Variants in RABGEF1 observed in about 807,000 individuals in gnomAD.
The protein encoded by RABGEF1 is rab5 GDP/GTP exchange factor.
RABGEF1 carries 26 observed loss-of-function variants against 57.3 expected under a neutral mutation model. That is an observed-to-expected ratio of 0.45 (90% CI 0.33 to 0.63). The LOEUF is 0.63. Among genes scored for constraint, RABGEF1 ranks in the 20% least tolerant of loss-of-function variants. The pLI is 0.02. For synonymous variants in RABGEF1, 185 were observed against 210.7 expected, an observed-to-expected ratio of 0.88 and a Z score of 1.06; for missense variants, 464 against 607.6, an observed-to-expected ratio of 0.76 and a Z score of 2.48.
intron 1 of RABGEF1, among the ~76,000 whole-genome samples, chr7:66,706,458 G>A (rs190132143): frequency 6.6e-6 from 1 of 152,214 alleles, no homozygotes; most frequent in African/African-American, 2.4e-5. Flanking sequence ...TCCCCAGGCT[G>A]GAGTGCAGTG....
At chr7:66,765,719 C>G (rs553095085) in intron 1 of RABGEF1, among the ~76,000 whole-genome samples, 1 of 152,150 alleles carries the variant, frequency 6.6e-6, no homozygotes, top group Non-Finnish European at 1.5e-5. Context: ...AGAACAGCCC[C>G]GACTTAGTCC....
intron 1 of RABGEF1, among the ~76,000 whole-genome samples, chr7:66,750,802 G>C (rs1030686452): frequency 6.6e-6 from 1 of 152,158 alleles, no homozygotes; most frequent in African/African-American, 2.4e-5. Context: ...TGCCATTTAC[G>C]TCAGTGAAAT....
At chr7:66,675,164 G>A in the RABGEF1 span, among the ~76,000 whole-genome samples, 1 of 152,046 alleles carries the variant, frequency 6.6e-6, no homozygotes, top group South Asian at 2.1e-4. Flanking sequence ...TACAGACAGG[G>A]AAATTGAGGC....
chr7:66,658,549 A>C, the RABGEF1 span, among the ~76,000 whole-genome samples: 1 of 151,920 alleles, frequency 6.6e-6, no homozygotes, highest in Non-Finnish European at 1.5e-5. Context: ...AAAAAAAAAA[A>C]AAGAAAAAGA....
chr7:66,769,587 G>A (rs1806576662), intron 1 of RABGEF1, among the ~76,000 whole-genome samples: 1 of 152,318 alleles, frequency 6.6e-6, no homozygotes, highest in African/African-American at 2.4e-5. Context: ...CCTTGGCCTG[G>A]ACGTAGATGC....
At chr7:66,739,036 C>T (rs558012544), upstream of RABGEF1, among the ~76,000 whole-genome samples, 16 of 152,154 alleles carry the variant, frequency 1.1e-4, no homozygotes, top group East Asian at 3.9e-4. Context: ...CTGCAACCTC[C>T]GCTTCCCGGG....
At chr7:66,687,833 C>T (rs1790913550) in intron 1 of RABGEF1, among the ~76,000 whole-genome samples, 1 of 152,154 alleles carries the variant, frequency 6.6e-6, no homozygotes, top group Non-Finnish European at 1.5e-5. Context: ...TGCCTGTAAT[C>T]CCAGCACTCT....
At chr7:66,789,012 C>T (rs562181757) in intron 4 of RABGEF1, among the ~76,000 whole-genome samples, 1 of 152,196 alleles carries the variant, frequency 6.6e-6, no homozygotes, top group East Asian at 1.9e-4. Context: ...GGACTTAAAG[C>T]TTTGTACCTG....
At chr7:66,727,019 A>C (rs1199444278) in intron 2 of RABGEF1, among the ~76,000 whole-genome samples, 3 of 152,198 alleles carry the variant, frequency 2.0e-5, no homozygotes, top group Non-Finnish European at 2.9e-5. Context: ...ATAATAAAAT[A>C]AAATATAATA....
rs76744618 is a variant in RABGEF1, at chr7:66,716,459, G to T, written c.-815+4235G>T. ...TACCAAAAATGCAAAAAATTAGCTA[G>T]GTGTGGCGGCATGTGCCTGTAGTCC... is the stretch of plus-strand genomic sequence containing the variant. On this transcript the variant is annotated intron_variant and NMD_transcript_variant, in intron 2 of 9. Transcript: ENST00000607882. Among the ~76,000 whole-genome samples the T allele has an allele frequency of 4.6e-5, 7 of 152,228 alleles. No homozygotes were observed. In the East Asian group the frequency reaches 1.2e-3, roughly 25 times the overall value.
At chr7:66,734,666 C>T (rs1797736083) in intron 2 of RABGEF1, among the ~76,000 whole-genome samples, 1 of 150,212 alleles carries the variant, frequency 6.7e-6, no homozygotes, top group African/African-American at 2.5e-5. Context: ...CTCCTGACCT[C>T]AAGTGATCCA....
At chr7:66,663,540 T>C in the RABGEF1 span, among the ~76,000 whole-genome samples, 2 of 136,548 alleles carry the variant, frequency 1.5e-5, no homozygotes, top group Admixed American at 8.8e-5. Context: ...ATCACGCCAC[T>C]GCACTCCAGC....
At chr7:66,736,934 A>G (rs559077692), upstream of RABGEF1, among the ~76,000 whole-genome samples, 1 of 152,306 alleles carries the variant, frequency 6.6e-6, no homozygotes, top group Non-Finnish European at 1.5e-5. Context: ...CTACGTATAC[A>G]GACACACACA....
At chr7:66,772,929 T>TAA (rs1807532761) in intron 2 of RABGEF1, among the ~76,000 whole-genome samples, 5 of 150,570 alleles carry the variant, frequency 3.3e-5, no homozygotes, top group African/African-American at 1.2e-4. Context: ...AATAAATAAA[T>TAA]AAATAAATAA....
In RABGEF1 at chr7:66,797,321, AGAG is replaced by A. The variant is rs1382874320; in HGVS notation, c.596-52_596-50del. Reference sequence around the variant, plus strand: ...TCTTTGTTTGCAAAAAAAAAAAAAAAGAGAGAGAAAAAATATATATATCTTGAT... The same window carrying A: ...TCTTTGTTTGCAAAAAAAAAAAAAAAAGAGAAAAAATATATATATCTTGAT... On this transcript the variant is annotated intron_variant, in intron 5 of 8. Coordinates refer to ENST00000284957, the MANE Select transcript of RABGEF1 (RefSeq NM_014504.3). The A allele has an allele frequency of 2.5e-4, 272 of 1,094,046 alleles. 15 individuals are homozygous for A. The Admixed American group carries it at 8.1e-3, about 33-fold the overall frequency. The allele number at this position is 1,094,046 out of a possible 1,614,324, so 67.8% of individuals were successfully genotyped here.
In RABGEF1 at chr7:66,712,540, A is replaced by G. The variant is rs182572978; in HGVS notation, c.-815+316A>G. On this transcript the variant is annotated intron_variant and NMD_transcript_variant, in intron 2 of 9. Coordinates refer to the RABGEF1 transcript ENST00000607882. ...GGCTGGAGTGCAGTGTCGTGATCAC[A>G]GCCCACTGCAGCCTCGACCTCCCGG... Among the ~76,000 whole-genome samples the G allele has an allele frequency of 2.3e-3, 351 of 152,252 alleles. 2 individuals are homozygous for G. The highest frequency in any genetic ancestry group is 8.2e-3 in the African/African-American group (342 of 41,538).
At chr7:66,720,777 ATGATCATC>A (rs1401139359) in intron 2 of RABGEF1, among the ~76,000 whole-genome samples, 11 of 152,338 alleles carry the variant, frequency 7.2e-5, no homozygotes, top group Non-Finnish European at 1.5e-4. Flanking sequence ...TGCAGACAAC[ATGATCATC>A]TGTATAGAAA....
intron 2 of RABGEF1, among the ~76,000 whole-genome samples, chr7:66,728,917 T>C (rs62466796): frequency 0.037 from 5,076 of 138,088 alleles, 127 homozygotes; most frequent in East Asian, 0.084. Flanking sequence ...CACCTGCATC[T>C]TCACCTCCAT....
chr7:66,796,428 T>A (rs1785940874), intron 5 of RABGEF1, among the ~76,000 whole-genome samples: 1 of 152,286 alleles, frequency 6.6e-6, no homozygotes, highest in Admixed American at 6.5e-5. Context: ...TTCATCAGTC[T>A]TGGGAGTTGC....
Sources: gnomAD v4.1 joint callset for allele counts (sites outside exome capture counted in the v4.1 genomes callset) on GRCh38, gnomAD v4.1.1 for gene constraint, MANE v1.5 for transcripts, NCBI Gene and HGNC (gene_info 2026-07-23, HGNC 2026-07-21) for gene names.